APLF: variants seen among roughly 807,000 people sequenced by gnomAD.
The protein encoded by APLF is aprataxin and PNK-like factor.
Under a neutral mutation model 55.6 loss-of-function variants are expected in APLF, and 61 were observed. The observed-to-expected ratio is 1.10, with a 90% CI of 0.89 to 1.36. The LOEUF (loss-of-function observed/expected upper bound fraction) is 1.36, where lower values mean the gene tolerates loss of function less well. Among genes scored for constraint, APLF ranks in the 40% most tolerant of loss-of-function variants. APLF has a pLI of 0.00. For synonymous variants in APLF, 207 were observed against 214.8 expected, an observed-to-expected ratio of 0.96 and a Z score of 0.32; for missense variants, 611 against 602.5, an observed-to-expected ratio of 1.01 and a Z score of -0.15.
intron 8 of APLF, among the ~76,000 whole-genome samples, chr2:68,564,091 C>T (rs754998710): frequency 2.0e-5 from 3 of 151,948 alleles, no homozygotes; most frequent in African/African-American, 4.8e-5. Flanking sequence ...CCATTTTTAT[C>T]TTTCTCCGTT....
intron 8 of APLF, among the ~76,000 whole-genome samples, chr2:68,550,420 C>T (rs1415257762): frequency 1.3e-5 from 2 of 151,836 alleles, no homozygotes; most frequent in South Asian, 2.1e-4. Context: ...TTAGTAGAGA[C>T]GGGGTTTCAC....
chr2:68,518,429 T>TTATATAATA (rs1669728782), intron 5 of APLF, among the ~76,000 whole-genome samples: 1 of 112,564 alleles, frequency 8.9e-6, no homozygotes, highest in African/African-American at 3.7e-5. Flanking sequence ...TAATAATTTA[T>TTATATAATA]TATATAATAT....
chr2:68,574,034 CTT>C (rs1394725049), intron 9 of APLF, among the ~76,000 whole-genome samples: 2 of 149,796 alleles, frequency 1.3e-5, no homozygotes, highest in Non-Finnish European at 3.0e-5. Flanking sequence ...AGAGAAAAGA[CTT>C]ATTTCTTTCA....
intron 9 of APLF, among the ~76,000 whole-genome samples, chr2:68,574,391 A>G (rs952764012): frequency 6.6e-6 from 1 of 152,218 alleles, no homozygotes; most frequent in South Asian, 2.1e-4. Context: ...AGATAATCAC[A>G]TGTCAGCATT....
intron 8 of APLF, chr2:68,563,076 A>G (rs1478206022): frequency 1.5e-5 from 15 of 985,060 alleles, no homozygotes; most frequent in Non-Finnish European, 1.8e-5. Flanking sequence ...TTTTATCGAT[A>G]TTATTTCTTT....
At chr2:68,518,470 TTAA>T (rs911010152) in intron 5 of APLF, among the ~76,000 whole-genome samples, 16 of 111,540 alleles carry the variant, frequency 1.4e-4, no homozygotes, top group Non-Finnish European at 2.4e-4. Flanking sequence ...ATATAACATA[TTAA>T]TAATACATAA....
intron 2 of APLF, among the ~76,000 whole-genome samples, 164 bp downstream of exon 2, chr2:68,490,425 G>T (rs1035269120): frequency 1.3e-5 from 2 of 152,022 alleles, no homozygotes; most frequent in Non-Finnish European, 2.9e-5. Flanking sequence ...AAACTGTGAG[G>T]AAAACTACAT....
intron 7 of APLF, among the ~76,000 whole-genome samples, chr2:68,541,969 G>A (rs1300732320): frequency 6.6e-6 from 1 of 152,106 alleles, no homozygotes; most frequent in Non-Finnish European, 1.5e-5. Flanking sequence ...AGACTAGAGA[G>A]CCTATAAATA....
At chr2:68,541,891 A>G (rs967763729) in intron 7 of APLF, among the ~76,000 whole-genome samples, 1 of 152,208 alleles carries the variant, frequency 6.6e-6, no homozygotes, top group Non-Finnish European at 1.5e-5. Context: ...TTTAAAATGT[A>G]TTACAAAGCC....
rs1475094919 is a variant in APLF at position 68,578,106 on chromosome 2, G to T, written c.*84G>T. On this transcript the variant is annotated 3_prime_UTR_variant, in exon 10 of 10. Transcript: ENST00000303795. The stretch of plus-strand genomic sequence containing the variant: ...TTATGAACTAAGGAGGTACTTAAGT[G>T]ACAGTTATTTTCCTTCTTTTGATAG... The T allele has an allele frequency of 3.4e-6, 5 of 1,486,360 alleles. No homozygotes were observed. Among genetic ancestry groups the T allele is most frequent in the Non-Finnish European group, 4.5e-6 (5 of 1,122,532 alleles). 92.1% of individuals were successfully genotyped at this position (1,486,360 alleles called of 1,614,324 possible). A position where few individuals can be genotyped will look rare whatever the true frequency, so the allele number is the denominator to read the frequency against.
chr2:68,522,812 ATAATGT>A (rs1388836542), intron 5 of APLF, among the ~76,000 whole-genome samples: 1 of 151,964 alleles, frequency 6.6e-6, no homozygotes, highest in African/African-American at 2.4e-5. Flanking sequence ...TTTGAAGAAA[ATAATGT>A]TAAAGTACTA....
At chr2:68,510,617 T>C (rs1224988609) in intron 3 of APLF, among the ~76,000 whole-genome samples, 1 of 151,830 alleles carries the variant, frequency 6.6e-6, no homozygotes, top group African/African-American at 2.4e-5. Context: ...ATTCTGGCAG[T>C]TCCTCAAAAG....
intron 8 of APLF, among the ~76,000 whole-genome samples, chr2:68,566,788 TTTTG>T (rs1231557753): frequency 2.0e-4 from 30 of 152,126 alleles, no homozygotes; most frequent in Non-Finnish European, 3.4e-4. Context: ...TTCAAACACT[TTTTG>T]TTTGATTCCA....
chr2:68,539,590 A>G (rs1381113933), intron 7 of APLF, among the ~76,000 whole-genome samples: 2 of 152,210 alleles, frequency 1.3e-5, no homozygotes, highest in Non-Finnish European at 1.5e-5. Flanking sequence ...TAGGGCTTCA[A>G]CATATGAATT....
chr2:68,489,362 T>G (rs571906575), intron 1 of APLF, among the ~76,000 whole-genome samples: 1 of 152,308 alleles, frequency 6.6e-6, no homozygotes, highest in East Asian at 1.9e-4. Context: ...GGTCAGGTAG[T>G]TATGGTGTTA....
intron 8 of APLF, among the ~76,000 whole-genome samples, chr2:68,565,307 A>G (rs1357248589): frequency 2.6e-5 from 4 of 152,068 alleles, no homozygotes; most frequent in Admixed American, 2.6e-4. Flanking sequence ...GGGACAGGAA[A>G]TTAGGATGGG....
At position 68,529,582 on chromosome 2, in the gene APLF, A is replaced by G. The variant is rs569426941; in HGVS notation, c.804+3340A>G. 74 of 537,774 alleles carry G rather than the reference A, an allele frequency of 1.4e-4. No homozygotes were observed. In the East Asian group the frequency reaches 9.3e-3, roughly 68 times the overall value. The allele number at this position is 537,774 out of a possible 1,614,324, so 33.3% of individuals were successfully genotyped here. ...GCATCTGGGAGTTTATGACATCACC[A>G]TGGGGCTGGTGACAGAGCCAGGGTG... On this transcript the variant is annotated intron_variant, in intron 6 of 9. Transcript: ENST00000303795. The surrounding 1 kb of genome is among the most constrained non-coding windows in gnomAD (Gnocchi z 4.4).
chr2:68,563,148 T>C, intron 8 of APLF: 1 of 985,280 alleles, frequency 1.0e-6, no homozygotes, highest in Non-Finnish European at 1.2e-6. Flanking sequence ...TTTCTTCTGG[T>C]CTGCATTACA....
chr2:68,563,336 T>C (rs1294953589), intron 8 of APLF: 1 of 983,682 alleles, frequency 1.0e-6, no homozygotes, highest in Non-Finnish European at 1.2e-6. Flanking sequence ...TTTGGAATAA[T>C]TAAATGTAAC....
Sources: gnomAD v4.1 joint callset for allele counts (sites outside exome capture counted in the v4.1 genomes callset) on GRCh38, gnomAD v4.1.1 for gene constraint, Gnocchi (gnomAD v3.1) non-coding constraint, MANE v1.5 for transcripts, NCBI Gene and HGNC (gene_info 2026-07-23, HGNC 2026-07-21) for gene names.